Variants in NHLRC4 observed in about 807,000 individuals in gnomAD.
NHLRC4 encodes the protein NHL repeat containing 4.
For missense variants in NHLRC4, 158 were observed against 155.4 expected (o/e 1.02, Z -0.09); for synonymous variants, 73 against 69.0 (o/e 1.06, Z -0.29).
rs2035569902 is a variant in NHLRC4 at position 568,579 on chromosome 16, G to C, written c.*160G>C. 2 of 804,848 alleles carry C rather than the reference G, an allele frequency of 2.5e-6. No homozygotes were observed. Among genetic ancestry groups the C allele is most frequent in the Non-Finnish European group, 3.9e-6 (2 of 515,856 alleles). 49.9% of individuals were successfully genotyped at this position (804,848 alleles called of 1,614,324 possible). On this transcript the variant is annotated 3_prime_UTR_variant, in exon 2 of 2. Transcript: ENST00000424439. ...GGGCTGGGCCCTGGGCTTGGCTCGA[G>C]TTCTCCTGCTGGTGAGGCTCCGGAT...
rs2035583613 is a variant in NHLRC4, at chr16:569,423, A to G, written c.*1004A>G. ...ACATCCCCCCTGAGAGGTCCCTCATATGTCTGGGTCCTGTGGGTGGGGGAC... is the reference window on the plus strand; with the variant it reads ...ACATCCCCCCTGAGAGGTCCCTCATGTGTCTGGGTCCTGTGGGTGGGGGAC... On this transcript the variant is annotated 3_prime_UTR_variant, in exon 2 of 2. Transcript: ENST00000424439. 1 of 166,666 alleles carries G rather than the reference A, an allele frequency of 6.0e-6. No homozygotes were observed. Among genetic ancestry groups the G allele is most frequent in the South Asian group, 2.1e-4 (1 of 4,826 alleles). 10.3% of individuals were successfully genotyped at this position (166,666 alleles called of 1,614,324 possible).
chr16:568,059 G>A lies in NHLRC4; in HGVS notation c.12G>A (p.Leu4=), dbSNP rs574102076. Residue 4 remains leucine, a synonymous_variant, in exon 2 of 2, where the codon CTG becomes CTA. Coordinates refer to ENST00000424439, the MANE Select transcript of NHLRC4 (RefSeq NM_001301159.2). MLG[L]EGPCWVGPGP... ...TGGCCCCAGCCTCCATGCTGGGTCT[G>A]GAGGGCCCCTGCTGGGTGGGCCCAG... The A allele has an allele frequency of 4.2e-5, 64 of 1,531,316 alleles. No individual in the cohort carries two copies. The South Asian group carries it at 7.6e-4, about 18-fold the overall frequency. 94.9% of individuals were successfully genotyped at this position (1,531,316 alleles called of 1,614,324 possible).
chr16:567,341 G>A (rs902990181), intron 1 of NHLRC4, 130 bp from the exon 2 acceptor site: 39 of 152,274 alleles, frequency 2.6e-4, no homozygotes, highest in African/African-American at 8.0e-4. Context: ...GTGTCTCCCA[G>A]ACTCAAGTCC....
In NHLRC4 at chr16:568,152, A is replaced by G. The variant is rs749334703; in HGVS notation, c.105A>G (p.Gln35=). 6.2e-7 allele frequency: 1 copy of G among 1,609,062 alleles called. No individual in the cohort carries two copies. Among genetic ancestry groups the G allele is most frequent in the Non-Finnish European group, 8.5e-7 (1 of 1,178,220 alleles). Residue 35 remains glutamine (Q), a synonymous_variant, in exon 2 of 2, where the codon CAA becomes CAG. Transcript: ENST00000424439. The part of the protein sequence containing the change: ...GDVRLFGSAR[Q]PLGSLGGWTG... ...TGAGGCTGTTTGGCAGTGCCCGCCA[A>G]CCCCTGGGCTCCCTGGGGGGCTGGA...
rs1179063648 is a variant in NHLRC4, at chr16:567,967, C to T, written c.-81C>T. On this transcript the variant is annotated 5_prime_UTR_variant, in exon 2 of 2. Coordinates refer to ENST00000424439, the MANE Select transcript of NHLRC4 (RefSeq NM_001301159.2). ...GCTGGCTGTGGATGCCCTCAACCGC[C>T]TCCTGGTGACGGACTACTTGCCTGG... 9 of 1,421,124 alleles carry T rather than the reference C, an allele frequency of 6.3e-6. No homozygotes were observed. The highest frequency in any genetic ancestry group is 5.3e-5 in the Admixed American group (2 of 37,388). The allele number at this position is 1,421,124 out of a possible 1,614,324, so 88.0% of individuals were successfully genotyped here. A position where few individuals can be genotyped will look rare whatever the true frequency, so the allele number is the denominator to read the frequency against.
chr16:567,977 C>T lies in NHLRC4; in HGVS notation c.-71C>T, dbSNP rs959860223. On this transcript the variant is annotated 5_prime_UTR_variant, in exon 2 of 2. The change creates a new upstream start codon in the 5' untranslated region. Transcript: ENST00000424439. The stretch of plus-strand genomic sequence containing the variant: ...GATGCCCTCAACCGCCTCCTGGTGA[C>T]GGACTACTTGCCTGGGGCTGTGCAC... 25 of 1,450,636 alleles carry T rather than the reference C, an allele frequency of 1.7e-5. No homozygotes were observed. Among genetic ancestry groups the T allele is most frequent in the African/African-American group, 1.3e-4 (9 of 70,698 alleles). The allele number at this position is 1,450,636 out of a possible 1,614,324, so 89.9% of individuals were successfully genotyped here. A position where few individuals can be genotyped will look rare whatever the true frequency, so the allele number is the denominator to read the frequency against.
rs779394939 is a variant in NHLRC4, at chr16:568,198, C to T, written c.151C>T (p.Pro51Ser). ...CTGGACGGGGCACACTTTCGGCTGC[C>T]CAGCGGGCATCTGCTCCAACTCAGA... Reference protein sequence around the residue: ...GGWTGHTFGCPAGICSNSEGN... With the variant: ...GGWTGHTFGCSAGICSNSEGN... The change falls in exon 2 of 2, where the codon CCA (proline) becomes TCA (serine). Residue 51 changes from proline (P) to serine (S), a missense_variant. By Grantham distance (74) the Pro-to-Ser change is moderately conservative (BLOSUM62 -1). Transcript: ENST00000424439. 6.2e-7 allele frequency: 1 copy of T among 1,611,800 alleles called. No homozygotes were observed. The highest frequency in any genetic ancestry group is 8.5e-7 in the Non-Finnish European group (1 of 1,179,478).
In NHLRC4 at chr16:568,090, G is replaced by T. The variant is rs760105338; in HGVS notation, c.43G>T (p.Asp15Tyr). 1 of 1,568,682 alleles carries T rather than the reference G, an allele frequency of 6.4e-7. No homozygotes were observed. The highest frequency in any genetic ancestry group is 1.2e-5 in the South Asian group (1 of 82,820). Reference sequence around the variant, plus strand: ...CCCCTGCTGGGTGGGCCCAGGGCCTGATGGGGGCCTTGCTGTGAGTGAGGA... The same window carrying T: ...CCCCTGCTGGGTGGGCCCAGGGCCTTATGGGGGCCTTGCTGTGAGTGAGGA... Reference protein sequence around the residue: ...EGPCWVGPGPDGGLAVSEEFG... With the variant: ...EGPCWVGPGPYGGLAVSEEFG... The change falls in exon 2 of 2, where the codon GAT becomes TAT. Residue 15 changes from aspartate to tyrosine, a missense_variant. Asp to Tyr is a radical substitution (Grantham distance 160). Coordinates refer to ENST00000424439, the MANE Select transcript of NHLRC4 (RefSeq NM_001301159.2).
rs914403046 is a variant in NHLRC4, at chr16:568,558, T to C, written c.*139T>C. On this transcript the variant is annotated 3_prime_UTR_variant, in exon 2 of 2. Coordinates refer to ENST00000424439, the MANE Select transcript of NHLRC4 (RefSeq NM_001301159.2). Reference sequence around the variant, plus strand: ...TGCCTGATGCCAGCACCACCTGGGCTGGGCCCTGGGCTTGGCTCGAGTTCT... The same window carrying C: ...TGCCTGATGCCAGCACCACCTGGGCCGGGCCCTGGGCTTGGCTCGAGTTCT... 6 of 980,896 alleles carry C rather than the reference T, an allele frequency of 6.1e-6. No individual in the cohort carries two copies. In the African/African-American group the frequency reaches 8.3e-5, roughly 14 times the overall value. 60.8% of individuals were successfully genotyped at this position (980,896 alleles called of 1,614,324 possible).
rs1023200539 is a variant in NHLRC4, at chr16:568,658, C to G, written c.*239C>G. The G allele has an allele frequency of 3.5e-6, 2 of 569,664 alleles. No individual in the cohort carries two copies. The highest frequency in any genetic ancestry group is 6.3e-6 in the Non-Finnish European group (2 of 318,356). The allele number at this position is 569,664 out of a possible 1,614,324, so 35.3% of individuals were successfully genotyped here. A position where few individuals can be genotyped will look rare whatever the true frequency, so the allele number is the denominator to read the frequency against. On this transcript the variant is annotated 3_prime_UTR_variant, in exon 2 of 2. Transcript: ENST00000424439. ...AGGCTGCCCCTGCCAGGCCTGCAGC[C>G]TCCCCAGCCAGGGCTGCTCTCTGCT... is the stretch of plus-strand genomic sequence containing the variant.
chr16:568,319 A>G lies in NHLRC4; in HGVS notation c.272A>G (p.Gln91Arg). The change falls in exon 2 of 2, where the codon CAG becomes CGG. Residue 91 changes from glutamine to arginine, a missense_variant. By Grantham distance (43) the Gln-to-Arg change is conservative. Coordinates refer to ENST00000424439, the MANE Select transcript of NHLRC4 (RefSeq NM_001301159.2). Reference protein sequence around the residue: ...PICLVSEGLGQPLGVACAPQG... With the variant: ...PICLVSEGLGRPLGVACAPQG... Reference sequence around the variant, plus strand: ...TGCCTGGTGTCAGAGGGGCTTGGGCAGCCCTTGGGAGTGGCCTGTGCACCC... The same window carrying G: ...TGCCTGGTGTCAGAGGGGCTTGGGCGGCCCTTGGGAGTGGCCTGTGCACCC... 1 of 1,611,556 alleles carries G rather than the reference A, an allele frequency of 6.2e-7. No individual in the cohort carries two copies. The highest frequency in any genetic ancestry group is 8.5e-7 in the Non-Finnish European group (1 of 1,179,430).
Position 568,695 on chromosome 16 carries a change from G to T in NHLRC4, c.*276G>T. ...GGCTGCTCTCTGCTGTCCCCATTCA[G>T]TGCCCTGGCCCCTGCATTCATGCCC... On this transcript the variant is annotated 3_prime_UTR_variant, in exon 2 of 2. Transcript: ENST00000424439. 1 of 480,838 alleles carries T rather than the reference G, an allele frequency of 2.1e-6. No homozygotes were observed. The highest frequency in any genetic ancestry group is 2.7e-5 in the South Asian group (1 of 36,406). The allele number at this position is 480,838 out of a possible 1,614,324, so 29.8% of individuals were successfully genotyped here.
chr16:567,780 T>G lies in NHLRC4; in HGVS notation c.-268T>G, dbSNP rs1047466056. ...CCATCTGCCTCCTGCCCTGCCGCACTCCGGGGAGCGGGGCCTTCGTTCCAG... is the reference window on the plus strand; with the variant it reads ...CCATCTGCCTCCTGCCCTGCCGCACGCCGGGGAGCGGGGCCTTCGTTCCAG... On this transcript the variant is annotated 5_prime_UTR_variant, in exon 2 of 2. Transcript: ENST00000424439. The G allele has an allele frequency of 2.2e-6, 1 of 456,584 alleles. No individual in the cohort carries two copies. Among genetic ancestry groups the G allele is most frequent in the East Asian group, 3.7e-5 (1 of 26,678 alleles). The allele number at this position is 456,584 out of a possible 1,614,324, so 28.3% of individuals were successfully genotyped here.
chr16:568,483 G>T lies in NHLRC4; in HGVS notation c.*64G>T, dbSNP rs188124938. ...CCAGCTCCCAGGCCCTTGGATCACC[G>T]CGGGAGGAACCCTCAGGATGGGTGG... On this transcript the variant is annotated 3_prime_UTR_variant, in exon 2 of 2. Transcript: ENST00000424439. The T allele has an allele frequency of 1.3e-6, 2 of 1,509,656 alleles. No individual in the cohort carries two copies. Among genetic ancestry groups the T allele is most frequent in the African/African-American group, 1.4e-5 (1 of 71,978 alleles). The allele number at this position is 1,509,656 out of a possible 1,614,324, so 93.5% of individuals were successfully genotyped here.
In NHLRC4 at chr16:568,507, G is replaced by A; in HGVS notation, c.*88G>A. Reference sequence around the variant, plus strand: ...CGCGGGAGGAACCCTCAGGATGGGTGGAGCCTCCAGGCTATGGGCATTGCC... The same window carrying A: ...CGCGGGAGGAACCCTCAGGATGGGTAGAGCCTCCAGGCTATGGGCATTGCC... On this transcript the variant is annotated 3_prime_UTR_variant, in exon 2 of 2. Transcript: ENST00000424439. 7.1e-7 allele frequency: 1 copy of A among 1,405,766 alleles called. No homozygotes were observed. The highest frequency in any genetic ancestry group is 1.5e-5 in the South Asian group (1 of 68,870). 87.1% of individuals were successfully genotyped at this position (1,405,766 alleles called of 1,614,324 possible).
Position 568,043 on chromosome 16 carries a change from C to T in NHLRC4, c.-5C>T. The T allele has an allele frequency of 6.6e-6, 10 of 1,514,178 alleles. No individual in the cohort carries two copies. The highest frequency in any genetic ancestry group is 2.2e-5 in the Admixed American group (1 of 44,544). The allele number at this position is 1,514,178 out of a possible 1,614,324, so 93.8% of individuals were successfully genotyped here. On this transcript the variant is annotated 5_prime_UTR_variant, in exon 2 of 2. Coordinates refer to ENST00000424439, the MANE Select transcript of NHLRC4 (RefSeq NM_001301159.2). Reference sequence around the variant, plus strand: ...CCTGCTTGGGAGCCCCTGGCCCCAGCCTCCATGCTGGGTCTGGAGGGCCCC... The same window carrying T: ...CCTGCTTGGGAGCCCCTGGCCCCAGTCTCCATGCTGGGTCTGGAGGGCCCC...
At chr16:567,278 C>A (rs1222049379) in intron 1 of NHLRC4, among the ~76,000 whole-genome samples, 193 bp from the exon 2 acceptor site, 1 of 152,148 alleles carries the variant, frequency 6.6e-6, no homozygotes, top group African/African-American at 2.4e-5. Flanking sequence ...GTCTGAGGCC[C>A]ATGAGCTCAT....
chr16:568,999 A>G lies in NHLRC4; in HGVS notation c.*580A>G. ...TCTGGGCCTGGCAGAGGTAAGGGGG[A>G]GGCAACCCTGGAGTGTCTGGAGGCC... On this transcript the variant is annotated 3_prime_UTR_variant, in exon 2 of 2. Coordinates refer to ENST00000424439, the MANE Select transcript of NHLRC4 (RefSeq NM_001301159.2). 5.9e-6 allele frequency: 1 copy of G among 169,350 alleles called. No homozygotes were observed. The allele number at this position is 169,350 out of a possible 1,614,324, so 10.5% of individuals were successfully genotyped here.
At position 568,284 on chromosome 16, in the gene NHLRC4, G is replaced by T; in HGVS notation, c.237G>T (p.Gly79=). ...RRQVTLFPRA[G]PPICLVSEGL... ...AGGTGACCCTGTTTCCCCGGGCTGG[G>T]CCACCCATCTGCCTGGTGTCAGAGG... The change falls in exon 2 of 2, where the codon GGG becomes GGT. Residue 79 remains glycine, a synonymous_variant. Transcript: ENST00000424439. 3 of 1,612,126 alleles carry T rather than the reference G, an allele frequency of 1.9e-6. No individual in the cohort carries two copies. The highest frequency in any genetic ancestry group is 2.2e-5 in the South Asian group (2 of 91,026).
Sources: gnomAD v4.1 joint callset for allele counts (sites outside exome capture counted in the v4.1 genomes callset) on GRCh38, gnomAD v4.1.1 for gene constraint, MANE v1.5 for transcripts, NCBI Gene and HGNC (gene_info 2026-07-23, HGNC 2026-07-21) for gene names.